Variants in KLHL18 observed in about 807,000 individuals in gnomAD.
The protein encoded by KLHL18 is kelch-like protein 18.
Under a neutral mutation model 58.5 loss-of-function variants are expected in KLHL18, and 38 were observed. The observed-to-expected ratio is 0.65, with a 90% CI of 0.50 to 0.85. The LOEUF (loss-of-function observed/expected upper bound fraction) is 0.85. Ranked by LOEUF, KLHL18 falls within the 40% of genes least tolerant of loss-of-function variation. The pLI is 0.00. For synonymous variants in KLHL18, 303 were observed against 301.9 expected (o/e 1.00, Z -0.04); for missense variants, 624 against 778.4 (o/e 0.80, Z 2.36).
At chr3:47,308,600 A>T (rs1405897591) in intron 1 of KLHL18, among the ~76,000 whole-genome samples, 1 of 152,204 alleles carries the variant, frequency 6.6e-6, no homozygotes, top group Non-Finnish European at 1.5e-5. Context: ...CATGTTGGCC[A>T]GGCTGGTCTT....
Position 47,343,803 on chromosome 3 carries a change from T to TG in KLHL18, c.1592dup (p.Tyr532LeufsTer14). 6.2e-7 allele frequency: 1 copy of TG among 1,614,076 alleles called. No individual in the cohort carries two copies. The highest frequency in any genetic ancestry group is 8.5e-7 in the Non-Finnish European group (1 of 1,180,020). ...CCAGCTGTGGGCGCCTCTACGCTGT[T>TG]GGGGGCTACGACGGACAGTCAAACC... On this transcript the variant is annotated frameshift_variant, in exon 10 of 10. Coordinates refer to ENST00000232766, the MANE Select transcript of KLHL18 (RefSeq NM_025010.5). LOFTEE classifies it high-confidence loss of function.
At chr3:47,339,583 GATAAATT>G (rs1434509292) in intron 7 of KLHL18, among the ~76,000 whole-genome samples, 1 of 152,014 alleles carries the variant, frequency 6.6e-6, no homozygotes, top group African/African-American at 2.4e-5. Context: ...CAGCCACTAT[GATAAATT>G]AGAGGCCATG....
chr3:47,312,827 A>G (rs1003246032), intron 1 of KLHL18, among the ~76,000 whole-genome samples: 3 of 151,928 alleles, frequency 2.0e-5, no homozygotes, highest in African/African-American at 7.3e-5. Context: ...CTTTTTTTAA[A>G]TGGATGTTTT....
At chr3:47,299,172 TTA>T (rs1258605726) in intron 1 of KLHL18, among the ~76,000 whole-genome samples, 1 of 152,234 alleles carries the variant, frequency 6.6e-6, no homozygotes, top group Non-Finnish European at 1.5e-5. Flanking sequence ...GTGGTTAATT[TTA>T]TGTGTCACCT....
At chr3:47,291,518 T>C (rs1300593796) in intron 1 of KLHL18, among the ~76,000 whole-genome samples, 1 of 152,216 alleles carries the variant, frequency 6.6e-6, no homozygotes, top group African/African-American at 2.4e-5. Flanking sequence ...ATAGTTTCAG[T>C]TGCAGCTACT....
intron 1 of KLHL18, among the ~76,000 whole-genome samples, chr3:47,290,544 G>A (rs199844654): frequency 2.0e-5 from 3 of 151,806 alleles, no homozygotes; most frequent in East Asian, 3.9e-4. Context: ...CCACTGCAGC[G>A]TCGAAATCCC....
At chr3:47,318,139 A>AC (rs1703499346) in intron 1 of KLHL18, among the ~76,000 whole-genome samples, 2 of 152,374 alleles carry the variant, frequency 1.3e-5, no homozygotes, top group South Asian at 4.1e-4. Context: ...TGCTGGGATT[A>AC]CAGGCATGAG....
intron 9 of KLHL18, 119 bp downstream of exon 9, chr3:47,342,949 G>A (rs1249157648): frequency 9.5e-6 from 7 of 733,674 alleles, no homozygotes; most frequent in Non-Finnish European, 1.6e-5. Flanking sequence ...ATCATCTAGT[G>A]AGGTTTCAGG....
At chr3:47,296,113 C>T (rs550595442) in intron 1 of KLHL18, among the ~76,000 whole-genome samples, 2 of 152,300 alleles carry the variant, frequency 1.3e-5, no homozygotes, top group South Asian at 4.1e-4. Context: ...TCAGGTCCCG[C>T]CCCAGACCTA....
intron 1 of KLHL18, among the ~76,000 whole-genome samples, chr3:47,302,053 A>G (rs928389338): frequency 2.0e-5 from 3 of 152,284 alleles, no homozygotes; most frequent in South Asian, 4.1e-4. Context: ...CCTTCTGCCT[A>G]GCCCCCTAAA....
At chr3:47,328,788 T>A (rs1396246993) in intron 3 of KLHL18, among the ~76,000 whole-genome samples, 2 of 152,090 alleles carry the variant, frequency 1.3e-5, no homozygotes, top group African/African-American at 4.8e-5. Context: ...GACTCACTGA[T>A]GGTAAATAAA....
At chr3:47,327,810 C>T (rs1703760862) in intron 3 of KLHL18, among the ~76,000 whole-genome samples, 1 of 152,178 alleles carries the variant, frequency 6.6e-6, no homozygotes, top group East Asian at 1.9e-4. Flanking sequence ...TTCATTCAGT[C>T]CTTGATGGGT....
intron 1 of KLHL18, among the ~76,000 whole-genome samples, chr3:47,288,252 C>T (rs1702719806): frequency 6.6e-6 from 1 of 150,392 alleles, no homozygotes; most frequent in Non-Finnish European, 1.5e-5. Flanking sequence ...AAAGACTTTG[C>T]CAACCACTGC....
intron 1 of KLHL18, among the ~76,000 whole-genome samples, chr3:47,290,756 C>T (rs1482831558): frequency 2.0e-5 from 3 of 152,236 alleles, no homozygotes; most frequent in African/African-American, 7.2e-5. Context: ...ACCACCACAC[C>T]TGGCCCAGCC....
intron 4 of KLHL18, among the ~76,000 whole-genome samples, chr3:47,331,768 T>A (rs1703869042): frequency 6.6e-6 from 1 of 151,236 alleles, no homozygotes; most frequent in African/African-American, 2.4e-5. Context: ...TGAGAGAAAT[T>A]ACAGCATATT....
rs147334917 is a variant in KLHL18, at chr3:47,330,020, C to T, written c.471C>T (p.Asp157=). The T allele has an allele frequency of 9.9e-6, 16 of 1,614,084 alleles. No homozygotes were observed. Among genetic ancestry groups the T allele is most frequent in the East Asian group, 2.2e-5 (1 of 44,882 alleles). Residue 157 remains aspartate, a synonymous_variant, in exon 4 of 10, where the codon GAC becomes GAT. Coordinates refer to ENST00000232766, the MANE Select transcript of KLHL18 (RefSeq NM_025010.5). ...CAATGATGTGTGCTGTGCTGTACGA[C>T]GCTGCCAACAGCTTCATCCACCAGC... ...AETMMCAVLY[D]AANSFIHQHF...
chr3:47,300,615 G>A (rs1364329767), intron 1 of KLHL18, among the ~76,000 whole-genome samples: 2 of 139,540 alleles, frequency 1.4e-5, no homozygotes, highest in Non-Finnish European at 3.1e-5. Context: ...TGTTAAATGA[G>A]TAGTGGTATC....
intron 3 of KLHL18, among the ~76,000 whole-genome samples, chr3:47,323,342 C>T (rs924525157): frequency 2.0e-5 from 3 of 152,138 alleles, no homozygotes; most frequent in African/African-American, 7.2e-5. Context: ...TCCCAAAGTG[C>T]TTGGATTACA....
chr3:47,344,273 G>C lies in KLHL18; in HGVS notation c.*332G>C. 2.8e-6 allele frequency: 1 copy of C among 361,802 alleles called. No individual in the cohort carries two copies. Among genetic ancestry groups the C allele is most frequent in the Non-Finnish European group, 5.1e-6 (1 of 197,948 alleles). The allele number at this position is 361,802 out of a possible 1,614,324, so 22.4% of individuals were successfully genotyped here. A position where few individuals can be genotyped will look rare whatever the true frequency, so the allele number is the denominator to read the frequency against. The stretch of plus-strand genomic sequence containing the variant: ...CTCTGTGGGCCAGCTGTTCACAGAA[G>C]GCCTTCCATCTGATGCTCCCCATCG... On this transcript the variant is annotated 3_prime_UTR_variant, in exon 10 of 10. Transcript: ENST00000232766.
Sources: allele counts gnomAD v4.1 joint callset (sites outside exome capture counted in the v4.1 genomes callset), GRCh38; gene constraint gnomAD v4.1.1; transcripts MANE v1.5; gene names NCBI Gene and HGNC (gene_info 2026-07-23, HGNC 2026-07-21).